The following SNCAIP variants were observed in gnomAD, a reference collection of about 807,000 sequenced individuals.
SNCAIP encodes synphilin-1.
A neutral mutation model predicts 86.7 loss-of-function variants in SNCAIP; 43 were observed. The observed-to-expected ratio is 0.50, with a 90% confidence interval of 0.39 to 0.64. The LOEUF (loss-of-function observed/expected upper bound fraction) is 0.64, where lower values mean the gene tolerates loss of function less well. Ranked by LOEUF, SNCAIP falls within the 30% of genes least tolerant of loss-of-function variation. SNCAIP has a pLI of 0.00. For missense variants in SNCAIP, 981 were observed against 1,103.1 expected (o/e 0.89, Z 1.57); for synonymous variants, 417 against 427.2 (o/e 0.98, Z 0.29).
chr5:122,353,439 CA>C lies in SNCAIP; in HGVS notation c.-46-37634del, dbSNP rs60366701. On this transcript the variant is annotated intron_variant, in intron 1 of 10. Transcript: ENST00000261368. ...TAATAAAAGTTATGACATAATTAAG[CA>C]AAAAAAAAAAAAAAAGACAACTGCT... Among the ~76,000 whole-genome samples, 780 of 94,064 alleles carry C rather than the reference CA, an allele frequency of 8.3e-3. 1 individual carries two copies. The highest frequency in any genetic ancestry group is 0.02 in the Middle Eastern group (3 of 150). The allele number at this position is 94,064 out of a possible 152,430, so 61.7% of individuals were successfully genotyped here.
Position 122,375,828 on chromosome 5 carries a change from G to A in SNCAIP, c.-46-15261G>A, listed in dbSNP as rs565150664. ...GAAATGCTTAGTTGAGTCCACTGAG[G>A]CAGCTTAATCAAAAGGGCACTAGGC... On this transcript the variant is annotated intron_variant, in intron 1 of 10. Transcript: ENST00000261368. Among the ~76,000 whole-genome samples the A allele has an allele frequency of 7.9e-5, 12 of 152,196 alleles. No individual in the cohort carries two copies. The South Asian group carries it at 2.3e-3, about 29-fold the overall frequency.
intron 10 of SNCAIP, 136 bp downstream of exon 10, chr5:122,451,737 C>A: frequency 1.5e-6 from 1 of 664,110 alleles, no homozygotes; most frequent in Non-Finnish European, 2.6e-6. Flanking sequence ...GCATGGAAAG[C>A]CAACTTCATG....
chr5:122,441,571 G>A (rs987646053), intron 7 of SNCAIP, among the ~76,000 whole-genome samples: 5 of 152,146 alleles, frequency 3.3e-5, no homozygotes, highest in Non-Finnish European at 7.3e-5. Flanking sequence ...AAGAAGAGGT[G>A]ACATCTCATC....
At chr5:122,434,600 AT>A (rs776598807) in intron 6 of SNCAIP, among the ~76,000 whole-genome samples, 2 of 152,244 alleles carry the variant, frequency 1.3e-5, no homozygotes, top group South Asian at 2.1e-4. Context: ...GATGATATGC[AT>A]TTTTTATGAC....
At chr5:122,363,727 T>C (rs968225503) in intron 1 of SNCAIP, among the ~76,000 whole-genome samples, 2 of 151,208 alleles carry the variant, frequency 1.3e-5, no homozygotes, top group African/African-American at 4.9e-5. Context: ...AGTTTGGAAA[T>C]GGGAAATTTT....
At chr5:122,356,246 C>T (rs1760995224) in intron 1 of SNCAIP, among the ~76,000 whole-genome samples, 1 of 151,772 alleles carries the variant, frequency 6.6e-6, no homozygotes, top group Non-Finnish European at 1.5e-5. Context: ...CCCACCTCAG[C>T]CTTCCAAGTA....
At chr5:122,445,174 G>C (rs1251623449) in intron 8 of SNCAIP, among the ~76,000 whole-genome samples, 1 of 152,020 alleles carries the variant, frequency 6.6e-6, no homozygotes, top group African/African-American at 2.4e-5. Context: ...AATGTGTGGG[G>C]GAAATTACAG....
chr5:122,329,583 A>G (rs1229072218), intron 1 of SNCAIP, among the ~76,000 whole-genome samples: 3 of 152,210 alleles, frequency 2.0e-5, no homozygotes, highest in Non-Finnish European at 4.4e-5. Flanking sequence ...ACAGCCCAGC[A>G]TATGTTTGTT....
At chr5:122,438,853 C>G (rs1329004653) in intron 6 of SNCAIP, among the ~76,000 whole-genome samples, 1 of 152,110 alleles carries the variant, frequency 6.6e-6, no homozygotes, top group Non-Finnish European at 1.5e-5. Flanking sequence ...ACCAAATCAC[C>G]ACAAGTTTGA....
chr5:122,376,503 G>A (rs1765360834), intron 1 of SNCAIP, among the ~76,000 whole-genome samples: 1 of 152,082 alleles, frequency 6.6e-6, no homozygotes, highest in Admixed American at 6.6e-5. Context: ...TTAAGCCCAT[G>A]CTCAACTTCC....
At chr5:122,440,347 A>T in intron 6 of SNCAIP, 1 of 406,496 alleles carries the variant, frequency 2.5e-6, no homozygotes, top group African/African-American at 2.1e-5. Context: ...GAGGCACTCA[A>T]TCTTACTGCA....
intron 1 of SNCAIP, among the ~76,000 whole-genome samples, chr5:122,330,138 T>TTTTTTTTTTTTTTTTTTTTTTTG (rs1754979091): frequency 7.0e-6 from 1 of 142,702 alleles, no homozygotes; most frequent in Non-Finnish European, 1.5e-5. Context: ...TTTTTTTTTT[T>TTTTTTTTTTTTTTTTTTTTTTTG]TGAGACGGAG....
At chr5:122,391,029 T>A in intron 1 of SNCAIP, 60 bp from the exon 2 acceptor site, 1 of 846,686 alleles carries the variant, frequency 1.2e-6, no homozygotes, top group Non-Finnish European at 2.1e-6. Flanking sequence ...GTAGACATTA[T>A]TTTTGGTTGT....
chr5:122,448,622 T>C (rs1295231399), intron 8 of SNCAIP, among the ~76,000 whole-genome samples: 1 of 140,380 alleles, frequency 7.1e-6, no homozygotes, highest in Admixed American at 7.6e-5. Flanking sequence ...TTTTTATATA[T>C]ATAATATATA....
rs150034341 is a variant in SNCAIP at position 122,423,652 on chromosome 5, C to T, written c.915C>T (p.Ser305=). 73 of 1,612,294 alleles carry T rather than the reference C, an allele frequency of 4.5e-5. No individual in the cohort carries two copies. The African/African-American group carries it at 8.4e-4, about 19-fold the overall frequency. The change falls in exon 4 of 11, where the codon AGC becomes AGT. Residue 305 remains serine, a synonymous_variant. Coordinates refer to ENST00000261368, the MANE Select transcript of SNCAIP (RefSeq NM_005460.4). ...AGGTCAGTGGCCTAAACCGGACCAG[C>T]TCCCAAGGCCCAGAAGAAAGGAGTG... ...EEQVSGLNRT[S]SQGPEERSEY...
chr5:122,403,966 C>CTTTTCTCT (rs1772414199), intron 3 of SNCAIP, 101 bp downstream of exon 3: 2 of 878,240 alleles, frequency 2.3e-6, no homozygotes, highest in African/African-American at 3.3e-5. Flanking sequence ...TTTCAGTTTT[C>CTTTTCTCT]TTTTCTCTTT....
In SNCAIP at chr5:122,395,993, GC is replaced by G. The variant is rs1189542545; in HGVS notation, c.57+4805del. 1.5e-3 allele frequency among the ~76,000 whole-genome samples: 226 copies of G among 152,186 alleles called. 2 individuals carry two copies. The highest frequency in any genetic ancestry group is 3.4e-3 in the Middle Eastern group (1 of 294). ...TTCACTGTCTCTGTCTGTAAGCCCT[GC>G]CCTTCCTAGCAGTCGCCCTGTTCTT... On this transcript the variant is annotated intron_variant, in intron 2 of 10. Coordinates refer to ENST00000261368, the MANE Select transcript of SNCAIP (RefSeq NM_005460.4).
At chr5:122,378,208 C>T (rs1765797037) in intron 1 of SNCAIP, among the ~76,000 whole-genome samples, 1 of 146,316 alleles carries the variant, frequency 6.8e-6, no homozygotes, top group African/African-American at 2.6e-5. Context: ...CCTGTCGTTT[C>T]CTGACAATTT....
chr5:122,453,834 A>C (rs954606441), intron 10 of SNCAIP, among the ~76,000 whole-genome samples: 5 of 147,792 alleles, frequency 3.4e-5, no homozygotes, highest in Non-Finnish European at 7.4e-5. Flanking sequence ...ATCTTGGCTC[A>C]CTGCAACCTC....
Sources: allele counts gnomAD v4.1 joint callset (sites outside exome capture counted in the v4.1 genomes callset), GRCh38; gene constraint gnomAD v4.1.1; transcripts MANE v1.5; gene names NCBI Gene and HGNC (gene_info 2026-07-23, HGNC 2026-07-21).